Variants in SAAL1 observed in about 807,000 individuals in gnomAD.
The protein encoded by SAAL1 is protein SAAL1.
Under a neutral mutation model 59.8 loss-of-function variants are expected in SAAL1, and 42 were observed. The ratio of observed to expected loss-of-function variants is 0.70; its 90% confidence interval spans 0.55 to 0.91. The LOEUF (loss-of-function observed/expected upper bound fraction) is 0.91. Among genes scored for constraint, SAAL1 ranks in the 40% least tolerant of loss-of-function variants. SAAL1 has a pLI of 0.00. For missense variants in SAAL1, 542 were observed against 561.1 expected (o/e 0.97, Z 0.34); for synonymous variants, 191 against 194.3 (o/e 0.98, Z 0.14).
chr11:18,084,699 C>G (rs1027261617), intron 9 of SAAL1, among the ~76,000 whole-genome samples: 1 of 152,206 alleles, frequency 6.6e-6, no homozygotes, highest in Non-Finnish European at 1.5e-5. Flanking sequence ...ATTCAACATT[C>G]CTTTTTTATT....
chr11:18,098,702 T>C (rs1012705496), intron 2 of SAAL1, among the ~76,000 whole-genome samples: 2 of 151,980 alleles, frequency 1.3e-5, no homozygotes, highest in Non-Finnish European at 2.9e-5. Context: ...TCAGAGAAAA[T>C]AGTATTTTCA....
chr11:18,101,482 C>T (rs1257688490), intron 2 of SAAL1, among the ~76,000 whole-genome samples: 1 of 152,166 alleles, frequency 6.6e-6, no homozygotes, highest in Non-Finnish European at 1.5e-5. Flanking sequence ...ACTTCTCCTT[C>T]CTGCCACCGT....
In SAAL1 at chr11:18,090,159, G is replaced by C. The variant is rs776162665; in HGVS notation, c.589+16C>G. 4.7e-5 allele frequency: 73 copies of C among 1,565,536 alleles called. No individual in the cohort carries two copies. In the Middle Eastern group the frequency reaches 8.5e-4, roughly 18 times the overall value. Reference sequence around the variant, plus strand: ...CAATTTAAAACATTTTTTTTCTAGAGTACATGATGACTTACCATTTGTTGA... The same window carrying C: ...CAATTTAAAACATTTTTTTTCTAGACTACATGATGACTTACCATTTGTTGA... On this transcript the variant is annotated intron_variant, in intron 6 of 11. Transcript: ENST00000524803.
intron 2 of SAAL1, among the ~76,000 whole-genome samples, chr11:18,101,253 G>A (rs7114166): frequency 0.42 from 63,027 of 148,912 alleles, 13,713 homozygotes; most frequent in African/African-American, 0.56. Context: ...TACACCTACC[G>A]TATGATCCAG....
chr11:18,094,871 A>G (rs1369182689), intron 3 of SAAL1, among the ~76,000 whole-genome samples: 1 of 152,168 alleles, frequency 6.6e-6, no homozygotes, highest in East Asian at 1.9e-4. Flanking sequence ...TGAACTTCCA[A>G]TCAAAGATCA....
At chr11:18,097,883 G>A (rs1326459858) in intron 2 of SAAL1, among the ~76,000 whole-genome samples, 1 of 150,466 alleles carries the variant, frequency 6.6e-6, no homozygotes, top group Non-Finnish European at 1.5e-5. Context: ...GGTGGCTCAC[G>A]CCTGTAATCC....
chr11:18,095,594 C>T (rs1224720136), intron 3 of SAAL1, among the ~76,000 whole-genome samples: 5 of 152,156 alleles, frequency 3.3e-5, no homozygotes, highest in Non-Finnish European at 7.4e-5. Context: ...CATATCTTCA[C>T]CCAAGATTTA....
At chr11:18,093,504 T>C (rs1166640250) in intron 3 of SAAL1, among the ~76,000 whole-genome samples, 5 of 152,148 alleles carry the variant, frequency 3.3e-5, no homozygotes, top group African/African-American at 9.7e-5. Flanking sequence ...GGAAAAGAAG[T>C]TGAAAAGAAC....
At chr11:18,090,087 A>G in intron 6 of SAAL1, 88 bp downstream of exon 6, 1 of 1,267,972 alleles carries the variant, frequency 7.9e-7, no homozygotes, top group Non-Finnish European at 1.1e-6. Flanking sequence ...CTTTTTTTAA[A>G]AAGGTGACTT....
chr11:18,091,297 T>G (rs1049176798), intron 4 of SAAL1, among the ~76,000 whole-genome samples: 1 of 152,238 alleles, frequency 6.6e-6, no homozygotes, highest in Non-Finnish European at 1.5e-5. Context: ...CAATATAAAT[T>G]GCACCACACT....
intron 6 of SAAL1, among the ~76,000 whole-genome samples, 196 bp downstream of exon 6, chr11:18,089,979 T>C (rs1848505202): frequency 6.6e-6 from 1 of 152,094 alleles, no homozygotes; most frequent in Non-Finnish European, 1.5e-5. Context: ...GATCAGGAGT[T>C]TGAGGCTGTA....
At chr11:18,087,445 C>T (rs550148077) in intron 7 of SAAL1, among the ~76,000 whole-genome samples, 8 of 152,254 alleles carry the variant, frequency 5.3e-5, no homozygotes, top group Non-Finnish European at 1.2e-4. Flanking sequence ...ATAATCAACA[C>T]ACACAGGACA....
At chr11:18,089,142 T>C (rs950809966) in intron 7 of SAAL1, among the ~76,000 whole-genome samples, 188 bp downstream of exon 7, 1 of 152,198 alleles carries the variant, frequency 6.6e-6, no homozygotes, top group Admixed American at 6.5e-5. Flanking sequence ...TATAGCTAAA[T>C]GATAATATAA....
At chr11:18,081,956 C>CGAG (rs1848415372) in intron 10 of SAAL1, among the ~76,000 whole-genome samples, 1 of 152,204 alleles carries the variant, frequency 6.6e-6, no homozygotes, top group South Asian at 2.1e-4. Flanking sequence ...CTACTCCTTC[C>CGAG]TCTCTATTGC....
chr11:18,081,377 A>T, intron 11 of SAAL1, 34 bp downstream of exon 11: 4 of 1,447,598 alleles, frequency 2.8e-6, no homozygotes, highest in Non-Finnish European at 3.8e-6. Context: ...ATCCTACAAA[A>T]CTTGGCCACC....
At position 18,080,442 on chromosome 11, in the gene SAAL1, T is replaced by A. The variant is rs750823253; in HGVS notation, c.1382A>T (p.Asp461Val). ...ACTTGGGAAGTTTTTTTCCAAGTCA[T>A]CAGCAAGCGCCTTATCAACTTCACG... ...ILREVDKALA[D>V]DLEKNFPSLK... The change falls in exon 12 of 12, where the codon GAT becomes GTT. Residue 461 changes from aspartate (D) to valine (V), a missense_variant. Asp to Val is a radical substitution (Grantham distance 152). Coordinates refer to ENST00000524803, the MANE Select transcript of SAAL1 (RefSeq NM_138421.3). 1 of 1,596,242 alleles carries A rather than the reference T, an allele frequency of 6.3e-7. No homozygotes were observed. The highest frequency in any genetic ancestry group is 1.9e-5 in the Admixed American group (1 of 54,002).
rs1253329117 is a variant in SAAL1, at chr11:18,104,261, TA to T, written c.136-916del. ...GAGCACTTACTTTAATATTAACCCA[TA>T]ATCGTTTAGAAGTCACAAAGAGGCT... On this transcript the variant is annotated intron_variant, in intron 1 of 11. Transcript: ENST00000524803. 7.2e-5 allele frequency among the ~76,000 whole-genome samples: 11 copies of T among 152,292 alleles called. No individual in the cohort carries two copies. In the East Asian group the frequency reaches 2.1e-3, roughly 29 times the overall value.
Position 18,096,818 on chromosome 11 carries a change from C to G in SAAL1, c.286G>C (p.Asp96His). 6.3e-7 allele frequency: 1 copy of G among 1,584,846 alleles called. No homozygotes were observed. Among genetic ancestry groups the G allele is most frequent in the Non-Finnish European group, 8.6e-7 (1 of 1,162,990 alleles). ...ALFLQEFNAPDIFMGVLAKSK... is the reference protein window; with the variant it reads ...ALFLQEFNAPHIFMGVLAKSK... The stretch of plus-strand genomic sequence containing the variant: ...TTGGCCAGTACTCCCATGAATATAT[C>G]AGGAGCATTAAATTCTTGGAGAAAT... Residue 96 changes from aspartate to histidine, a missense_variant, in exon 3 of 12, where the codon GAT (aspartate) becomes CAT (histidine). Transcript: ENST00000524803.
chr11:18,103,370 A>C (rs1285127497), intron 1 of SAAL1, 24 bp from the exon 2 acceptor site: 2 of 1,562,786 alleles, frequency 1.3e-6, no homozygotes, highest in Non-Finnish European at 1.8e-6. Context: ...AAGAAAGAAA[A>C]CATGAATAAA....
Sources: allele counts gnomAD v4.1 joint callset (sites outside exome capture counted in the v4.1 genomes callset), GRCh38; gene constraint gnomAD v4.1.1; transcripts MANE v1.5; gene names NCBI Gene and HGNC (gene_info 2026-07-23, HGNC 2026-07-21).